THEMIS: variants seen among roughly 807,000 people sequenced by gnomAD.
THEMIS encodes protein THEMIS.
In THEMIS, 37 loss-of-function variants were observed where a neutral mutation model predicts 52.6. The ratio of observed to expected loss-of-function variants is 0.70; its 90% CI spans 0.54 to 0.93. THEMIS has a LOEUF of 0.93. THEMIS is among the 40% of genes least tolerant of loss of function. The pLI is 0.00. For missense variants in THEMIS, 808 were observed against 763.1 expected, an observed-to-expected ratio of 1.06 and a Z score of -0.69; for synonymous variants, 292 against 272.7, an observed-to-expected ratio of 1.07 and a Z score of -0.70.
intron 4 of THEMIS, among the ~76,000 whole-genome samples, chr6:127,731,699 T>A (rs1286611793): frequency 1.5e-5 from 2 of 137,894 alleles, no homozygotes; most frequent in Admixed American, 7.2e-5. Context: ...TGCTACTTTT[T>A]TTTTTTTTTT....
chr6:127,741,572 A>T (rs1265128481), intron 4 of THEMIS, among the ~76,000 whole-genome samples: 1 of 152,240 alleles, frequency 6.6e-6, no homozygotes, highest in Non-Finnish European at 1.5e-5. Flanking sequence ...CCAGACGCAC[A>T]GCAGAAAGTG....
chr6:127,725,603 T>G (rs530122646), intron 4 of THEMIS, among the ~76,000 whole-genome samples: 1 of 152,238 alleles, frequency 6.6e-6, no homozygotes, highest in South Asian at 2.1e-4. Flanking sequence ...AGGCAAATAT[T>G]TTTTTAAAAA....
chr6:127,875,329 G>A (rs1780282315), intron 1 of THEMIS, among the ~76,000 whole-genome samples: 1 of 152,220 alleles, frequency 6.6e-6, no homozygotes, highest in Non-Finnish European at 1.5e-5. Context: ...GACAGAGAAA[G>A]TCTTTGTCAA....
At chr6:127,810,696 G>A (rs1562271681) in intron 4 of THEMIS, among the ~76,000 whole-genome samples, 1 of 152,154 alleles carries the variant, frequency 6.6e-6, no homozygotes, top group Non-Finnish European at 1.5e-5. Context: ...AGCGCAAACA[G>A]ATACCCTCCA....
intron 4 of THEMIS, among the ~76,000 whole-genome samples, chr6:127,767,921 T>A (rs1776255311): frequency 6.6e-6 from 1 of 152,174 alleles, no homozygotes; most frequent in South Asian, 2.1e-4. Flanking sequence ...TTCATTATAA[T>A]CTTATGAGAC....
chr6:127,730,311 GA>G (rs1172613217), intron 4 of THEMIS, among the ~76,000 whole-genome samples: 1 of 119,800 alleles, frequency 8.3e-6, no homozygotes, highest in South Asian at 2.7e-4. Context: ...GAAAAGAAAA[GA>G]AAAGAGAAAA....
intron 4 of THEMIS, among the ~76,000 whole-genome samples, chr6:127,757,017 T>C (rs1288396655): frequency 6.6e-6 from 1 of 152,228 alleles, no homozygotes; most frequent in African/African-American, 2.4e-5. Flanking sequence ...AATTCTTTTA[T>C]TCCATAATAA....
intron 4 of THEMIS, among the ~76,000 whole-genome samples, chr6:127,802,598 C>T (rs1209713183): frequency 2.0e-5 from 3 of 152,128 alleles, no homozygotes; most frequent in Admixed American, 2.0e-4. Context: ...TTAAATTATA[C>T]AAACAGAAAA....
At chr6:127,872,070 T>C (rs2114387438) in intron 1 of THEMIS, among the ~76,000 whole-genome samples, 1 of 152,108 alleles carries the variant, frequency 6.6e-6, no homozygotes, top group Admixed American at 6.5e-5. Context: ...ATTTAGCAAA[T>C]AGAATCTAGC....
intron 4 of THEMIS, among the ~76,000 whole-genome samples, chr6:127,737,119 A>T (rs960165072): frequency 6.6e-6 from 1 of 152,156 alleles, no homozygotes; most frequent in African/African-American, 2.4e-5. Flanking sequence ...TTCCCACCAG[A>T]TGGCAGTCTT....
intron 4 of THEMIS, among the ~76,000 whole-genome samples, chr6:127,804,276 T>C (rs959321441): frequency 2.0e-5 from 3 of 152,132 alleles, no homozygotes; most frequent in Non-Finnish European, 4.4e-5. Flanking sequence ...AAAAAGTAGG[T>C]AGTGTTTAAC....
chr6:127,831,928 C>T (rs145447775), intron 2 of THEMIS, among the ~76,000 whole-genome samples: 53 of 151,934 alleles, frequency 3.5e-4, no homozygotes, highest in Middle Eastern at 3.4e-3. Flanking sequence ...TGTGTGTGCG[C>T]GTGCCTGTGT....
At chr6:127,876,800 C>A (rs756306860) in intron 1 of THEMIS, among the ~76,000 whole-genome samples, 1 of 152,114 alleles carries the variant, frequency 6.6e-6, no homozygotes, top group Non-Finnish European at 1.5e-5. Flanking sequence ...GACAATAGAG[C>A]ATCTTGGACA....
At chr6:127,902,906 TA>T (rs1159963991), upstream of THEMIS, among the ~76,000 whole-genome samples, 9 of 152,188 alleles carry the variant, frequency 5.9e-5, no homozygotes, top group African/African-American at 1.9e-4. Context: ...GGATATCACT[TA>T]TTTTTTTAAT....
chr6:127,757,639 C>T (rs972623003), intron 4 of THEMIS, among the ~76,000 whole-genome samples: 10 of 152,076 alleles, frequency 6.6e-5, no homozygotes, highest in South Asian at 2.1e-4. Context: ...CCCGCCACCA[C>T]GCCCGGCTAG....
intron 1 of THEMIS, among the ~76,000 whole-genome samples, chr6:127,915,785 G>T (rs939151401): frequency 5.9e-5 from 9 of 152,006 alleles, no homozygotes. Flanking sequence ...TCAGAAGTTC[G>T]AGACCAGCCT....
At chr6:127,743,201 A>G (rs1258834338) in intron 4 of THEMIS, among the ~76,000 whole-genome samples, 3 of 152,156 alleles carry the variant, frequency 2.0e-5, no homozygotes, top group Admixed American at 2.0e-4. Context: ...CCAGGTTAAA[A>G]TAATGATATC....
intron 4 of THEMIS, among the ~76,000 whole-genome samples, chr6:127,753,849 C>T (rs998563061): frequency 1.5e-4 from 23 of 151,836 alleles, no homozygotes; most frequent in African/African-American, 5.3e-4. Flanking sequence ...TAGCTAACAA[C>T]ACTGTATTCT....
intron 2 of THEMIS, among the ~76,000 whole-genome samples, chr6:127,834,710 T>G (rs1424765164): frequency 6.6e-6 from 1 of 152,238 alleles, no homozygotes; most frequent in Non-Finnish European, 1.5e-5. Context: ...AATTCATTTT[T>G]ACCTCTTTGG....
Sources: gnomAD v4.1 joint callset for allele counts (sites outside exome capture counted in the v4.1 genomes callset) on GRCh38, gnomAD v4.1.1 for gene constraint, MANE v1.5 for transcripts, NCBI Gene and HGNC (gene_info 2026-07-23, HGNC 2026-07-21) for gene names.